Variants in SNTG2 observed in about 807,000 individuals in gnomAD.
The protein encoded by SNTG2 is syntrophin gamma 2.
In SNTG2, 74 loss-of-function variants were observed where a neutral mutation model predicts 70.9. That is an observed-to-expected ratio of 1.04 (90% CI 0.86 to 1.27). The LOEUF is 1.27. SNTG2 is among the 50% of genes most tolerant of loss of function. The pLI is 0.00. For missense variants in SNTG2, 717 were observed against 690.7 expected (o/e 1.04, Z -0.43); for synonymous variants, 278 against 273.8 (o/e 1.02, Z -0.15).
At chr2:1,138,497 G>C (rs539004060) in intron 6 of SNTG2, among the ~76,000 whole-genome samples, 1 of 152,306 alleles carries the variant, frequency 6.6e-6, no homozygotes, top group East Asian at 1.9e-4. Flanking sequence ...CGCGTGGTCA[G>C]TCTGGTGCCT....
chr2:1,203,003 A>G (rs1673373115), intron 8 of SNTG2, among the ~76,000 whole-genome samples: 1 of 152,176 alleles, frequency 6.6e-6, no homozygotes, highest in African/African-American at 2.4e-5. Flanking sequence ...TGTTGATAGG[A>G]CGGATAGACA....
chr2:1,218,524 A>G (rs1674546129), intron 9 of SNTG2, among the ~76,000 whole-genome samples: 1 of 152,256 alleles, frequency 6.6e-6, no homozygotes, highest in Non-Finnish European at 1.5e-5. Flanking sequence ...GTACCGTTGG[A>G]CAAAGCTGGA....
At chr2:1,001,223 A>G (rs2147987786) in intron 1 of SNTG2, among the ~76,000 whole-genome samples, 1 of 152,078 alleles carries the variant, frequency 6.6e-6, no homozygotes, top group East Asian at 1.9e-4. Flanking sequence ...GAAGATGTTC[A>G]CTCTCACCTC....
At chr2:1,229,964 G>C (rs1015511660) in intron 9 of SNTG2, among the ~76,000 whole-genome samples, 2 of 152,172 alleles carry the variant, frequency 1.3e-5, no homozygotes, top group Non-Finnish European at 2.9e-5. Context: ...CCCCGTTCCC[G>C]CTCGTGCCTC....
chr2:953,373 G>A (rs948218665), intron 1 of SNTG2, among the ~76,000 whole-genome samples: 4 of 152,256 alleles, frequency 2.6e-5, no homozygotes, highest in Admixed American at 6.5e-5. Flanking sequence ...AGTCTGGGGC[G>A]CTGGAAGAAT....
At chr2:992,809 TATC>T (rs1209121584) in intron 1 of SNTG2, among the ~76,000 whole-genome samples, 1 of 152,210 alleles carries the variant, frequency 6.6e-6, no homozygotes. Context: ...TCTTTTATAG[TATC>T]ATGCACCATA....
At chr2:951,888 T>C (rs1659981275) in intron 1 of SNTG2, among the ~76,000 whole-genome samples, 1 of 151,894 alleles carries the variant, frequency 6.6e-6, no homozygotes, top group Non-Finnish European at 1.5e-5. Context: ...CCCCAGGAGC[T>C]CCCAGTCCCA....
At chr2:1,036,690 T>A (rs1661147478) in intron 1 of SNTG2, among the ~76,000 whole-genome samples, 1 of 151,492 alleles carries the variant, frequency 6.6e-6, no homozygotes, top group Non-Finnish European at 1.5e-5. Flanking sequence ...AATGGTTTTG[T>A]TTGTTATAAT....
intron 16 of SNTG2, among the ~76,000 whole-genome samples, chr2:1,355,565 ACTT>A (rs1456777947): frequency 6.6e-6 from 1 of 152,026 alleles, no homozygotes; most frequent in African/African-American, 2.4e-5. Context: ...CATACACCAT[ACTT>A]CTTTATCCAT....
chr2:1,137,458 C>T (rs1364295349), intron 4 of SNTG2, among the ~76,000 whole-genome samples, 164 bp from the exon 5 acceptor site: 7 of 152,042 alleles, frequency 4.6e-5, no homozygotes, highest in Non-Finnish European at 1.5e-5. Context: ...TCACACCCAT[C>T]TGCACCTGCA....
intron 9 of SNTG2, among the ~76,000 whole-genome samples, chr2:1,215,824 G>A (rs1452109157): frequency 2.6e-5 from 4 of 151,310 alleles, no homozygotes; most frequent in South Asian, 2.1e-4. Flanking sequence ...TTGTCCTTGT[G>A]ATAGTTTGCT....
intron 9 of SNTG2, chr2:1,210,469 C>T (rs1442264049): frequency 6.6e-6 from 1 of 152,172 alleles, no homozygotes. Context: ...TGTAAAGGAG[C>T]TGAAAATCCC....
rs142702890 is a variant in SNTG2 at position 1,158,824 on chromosome 2, C to T, written c.412-6724C>T. Among the ~76,000 whole-genome samples the T allele has an allele frequency of 9.4e-3, 1,427 of 152,158 alleles. 22 individuals carry two copies. Among genetic ancestry groups the T allele is most frequent in the African/African-American group, 0.031 (1,290 of 41,496 alleles). ...GTAAGTCTCCATAGGGCTGCAGTGTCGTGTGTGCAGGAAGGCTTTACGGAG... is the reference window on the plus strand; with the variant it reads ...GTAAGTCTCCATAGGGCTGCAGTGTTGTGTGTGCAGGAAGGCTTTACGGAG... On this transcript the variant is annotated intron_variant, in intron 6 of 16. Transcript: ENST00000308624.
At chr2:1,055,293 C>T (rs1662321015) in intron 1 of SNTG2, among the ~76,000 whole-genome samples, 1 of 152,226 alleles carries the variant, frequency 6.6e-6, no homozygotes, top group South Asian at 2.1e-4. Context: ...GGCCGCTCTG[C>T]TCGGGGCTTC....
chr2:1,262,444 G>T (rs1678462445), intron 13 of SNTG2, among the ~76,000 whole-genome samples: 1 of 152,246 alleles, frequency 6.6e-6, no homozygotes, highest in Non-Finnish European at 1.5e-5. Flanking sequence ...GTCCTGGGTT[G>T]TACAGCCAGC....
intron 2 of SNTG2, among the ~76,000 whole-genome samples, chr2:1,084,935 A>G (rs1405277252): frequency 6.6e-6 from 1 of 152,162 alleles, no homozygotes; most frequent in South Asian, 2.1e-4. Context: ...CCCACAGCCC[A>G]CACCCCGGCA....
chr2:1,056,920 G>GGGAA (rs1320551246), intron 1 of SNTG2, among the ~76,000 whole-genome samples: 3 of 1,356 alleles, frequency 2.2e-3, no homozygotes, highest in Non-Finnish European at 6.7e-3. Flanking sequence ...CTGTGCTGTG[G>GGGAA]GGAGGGAGGG....
intron 4 of SNTG2, among the ~76,000 whole-genome samples, chr2:1,124,305 A>ATTTT (rs763685919): frequency 0.35 from 51,866 of 146,348 alleles, 9,556 homozygotes; most frequent in East Asian, 0.48. Flanking sequence ...TCTTTTTTTA[A>ATTTT]TTTTTCTCAG....
At chr2:1,222,127 C>CTCTGTCTCTGTT (rs1345883336) in intron 9 of SNTG2, among the ~76,000 whole-genome samples, 5 of 115,406 alleles carry the variant, frequency 4.3e-5, no homozygotes, top group Admixed American at 3.6e-4. Flanking sequence ...CTCTCTCTGT[C>CTCTGTCTCTGTT]TCTCTCTGTC....
Sources: gnomAD v4.1 joint callset for allele counts (sites outside exome capture counted in the v4.1 genomes callset) on GRCh38, gnomAD v4.1.1 for gene constraint, MANE v1.5 for transcripts, NCBI Gene and HGNC (gene_info 2026-07-23, HGNC 2026-07-21) for gene names.